The following TMTC1 variants were observed in gnomAD, a reference collection of about 807,000 sequenced individuals.
The protein encoded by TMTC1 is transmembrane O-mannosyltransferase targeting cadherins 1.
TMTC1 carries 73 observed loss-of-function variants against 104.8 expected under a neutral mutation model. The ratio of observed to expected loss-of-function variants is 0.70; its 90% CI spans 0.58 to 0.85. The LOEUF (loss-of-function observed/expected upper bound fraction) is 0.85, where lower values mean the gene tolerates loss of function less well. Among genes scored for constraint, TMTC1 ranks in the 40% least tolerant of loss-of-function variants. The pLI is 0.00. For synonymous variants in TMTC1, 434 were observed against 428.7 expected (o/e 1.01, Z -0.15); for missense variants, 1,035 against 1,096.1 (o/e 0.94, Z 0.79).
chr12:29,564,369 A>G (rs1945453472), intron 9 of TMTC1, among the ~76,000 whole-genome samples: 1 of 152,166 alleles, frequency 6.6e-6, no homozygotes, highest in Non-Finnish European at 1.5e-5. Context: ...TGAGAAGAGA[A>G]CAAGATGTAG....
chr12:29,695,812 TA>T (rs1400884261), intron 5 of TMTC1, among the ~76,000 whole-genome samples: 1 of 110,668 alleles, frequency 9.0e-6, no homozygotes, highest in Admixed American at 8.1e-5. Flanking sequence ...TATATATATA[TA>T]TATATATATA....
intron 6 of TMTC1, among the ~76,000 whole-genome samples, chr12:29,604,603 GT>G (rs1946650221): frequency 6.6e-6 from 1 of 152,102 alleles, no homozygotes; most frequent in Non-Finnish European, 1.5e-5. Context: ...CTGCTTCTTG[GT>G]TCTGGCTCCG....
chr12:29,525,158 CTTTTTTTTTTTTTTTTTTTTTTTTTTTT>C (rs56395403), intron 11 of TMTC1, among the ~76,000 whole-genome samples: 3 of 46,132 alleles, frequency 6.5e-5, no homozygotes, highest in African/African-American at 8.0e-5. Flanking sequence ...CAAGGGCAGT[CTTTTTTTTTTTTTTTTTTTTTTTTTTTT>C]TTTTTTTTTT....
At chr12:29,694,386 A>C (rs1247688289) in intron 5 of TMTC1, among the ~76,000 whole-genome samples, 1 of 151,814 alleles carries the variant, frequency 6.6e-6, no homozygotes, top group Non-Finnish European at 1.5e-5. Context: ...CCTGATATAA[A>C]ATGGGGCAGT....
In TMTC1 at chr12:29,506,189, T is replaced by C. The variant is rs542532267; in HGVS notation, c.*657A>G. 6.6e-6 allele frequency: 1 copy of C among 152,230 alleles called. No individual in the cohort carries two copies. The highest frequency in any genetic ancestry group is 1.9e-4 in the East Asian group (1 of 5,178). The allele number at this position is 152,230 out of a possible 1,614,324, so 9.4% of individuals were successfully genotyped here. ...ATTAGGGGTGCCCAGCTCCTTGATT[T>C]CCCCCTAGGGATAAAGATATCCATG... On this transcript the variant is annotated 3_prime_UTR_variant, in exon 18 of 18. Transcript: ENST00000539277.
chr12:29,780,225 C>A (rs1028164183), intron 1 of TMTC1, among the ~76,000 whole-genome samples: 15 of 152,160 alleles, frequency 9.9e-5, no homozygotes, highest in African/African-American at 3.4e-4. Context: ...TTTATCCCAG[C>A]CAAAAGTTGG....
chr12:29,628,924 AG>A (rs1476576535), intron 6 of TMTC1, among the ~76,000 whole-genome samples: 1 of 152,074 alleles, frequency 6.6e-6, no homozygotes, highest in Non-Finnish European at 1.5e-5. Flanking sequence ...GGCCTCCCAA[AG>A]TGCTGGGGTT....
At chr12:29,683,509 G>A (rs1386406954) in intron 5 of TMTC1, among the ~76,000 whole-genome samples, 2 of 152,152 alleles carry the variant, frequency 1.3e-5, no homozygotes, top group Non-Finnish European at 2.9e-5. Flanking sequence ...AAGCCTCAAC[G>A]CAAAATATGC....
chr12:29,555,098 C>T (rs1348191989), intron 10 of TMTC1, among the ~76,000 whole-genome samples: 2 of 146,674 alleles, frequency 1.4e-5, no homozygotes, highest in Non-Finnish European at 3.0e-5. Context: ...CACTGCTTCA[C>T]AATCTATAAA....
chr12:29,540,127 A>T (rs1377830851), intron 10 of TMTC1, among the ~76,000 whole-genome samples: 1 of 151,894 alleles, frequency 6.6e-6, no homozygotes, highest in Non-Finnish European at 1.5e-5. Flanking sequence ...TGACATCTAT[A>T]TTTTTCTTCT....
In TMTC1 at chr12:29,688,032, A is replaced by G. The variant is rs149232095; in HGVS notation, c.939-54696T>C. Among the ~76,000 whole-genome samples the G allele has an allele frequency of 8.0e-3, 1,218 of 152,260 alleles. 9 individuals carry two copies. The highest frequency in any genetic ancestry group is 0.014 in the Non-Finnish European group (943 of 68,030). On this transcript the variant is annotated intron_variant, in intron 5 of 17. Coordinates refer to ENST00000539277, the MANE Select transcript of TMTC1 (RefSeq NM_001193451.2). ...TCAGTCTATAAAGACTTGATTTAAG[A>G]AAACATACACTGAAACATTTAGGAG...
At chr12:29,769,299 C>T (rs1592034602) in intron 1 of TMTC1, among the ~76,000 whole-genome samples, 1 of 152,120 alleles carries the variant, frequency 6.6e-6, no homozygotes. Flanking sequence ...CTTAACTAAG[C>T]CTAGAAAACT....
chr12:29,594,187 C>A (rs909969893), intron 7 of TMTC1, among the ~76,000 whole-genome samples: 1 of 152,202 alleles, frequency 6.6e-6, no homozygotes, highest in African/African-American at 2.4e-5. Flanking sequence ...CTAAAACTGC[C>A]TCCAAAAAAT....
At chr12:29,578,630 C>G (rs958350812) in intron 8 of TMTC1, among the ~76,000 whole-genome samples, 1 of 152,184 alleles carries the variant, frequency 6.6e-6, no homozygotes, top group African/African-American at 2.4e-5. Flanking sequence ...GTATCTCCCT[C>G]ACACCTTTTA....
At chr12:29,655,520 C>T (rs1211318662) in intron 5 of TMTC1, among the ~76,000 whole-genome samples, 1 of 152,092 alleles carries the variant, frequency 6.6e-6, no homozygotes, top group African/African-American at 2.4e-5. Flanking sequence ...AAATAATAAG[C>T]CTACCAATGT....
At chr12:29,516,531 T>C (rs1943992357) in intron 14 of TMTC1, 45 bp from the exon 15 acceptor site, 1 of 1,562,284 alleles carries the variant, frequency 6.4e-7, no homozygotes, top group South Asian at 1.2e-5. Context: ...CTTCATTACC[T>C]TATCAAATAA....
In TMTC1 at chr12:29,668,454, C is replaced by CTTTTTTTTTTTTTTTTT. The variant is rs66652706; in HGVS notation, c.939-35135_939-35119dup. Among the ~76,000 whole-genome samples the CTTTTTTTTTTTTTTTTT allele has an allele frequency of 2.0e-4, 18 of 90,092 alleles. 1 individual carries two copies. The highest frequency in any genetic ancestry group is 3.8e-4 in the East Asian group (1 of 2,626). 59.1% of individuals were successfully genotyped at this position (90,092 alleles called of 152,430 possible). On this transcript the variant is annotated intron_variant, in intron 5 of 17. Transcript: ENST00000539277. The stretch of plus-strand genomic sequence containing the variant: ...CCACATTCAAACCATACCAACTTAT[C>CTTTTTTTTTTTTTTTTT]TTTTTTTTTTTTTTTTTTTTTTTTG...
At chr12:29,538,721 A>G (rs1944713023) in intron 10 of TMTC1, among the ~76,000 whole-genome samples, 1 of 152,228 alleles carries the variant, frequency 6.6e-6, no homozygotes, top group South Asian at 2.1e-4. Flanking sequence ...TGGAAAGATT[A>G]TCATCAAAAT....
Position 29,783,748 on chromosome 12 carries a change from C to T in TMTC1, c.4G>A (p.Val2Met). Residue 2 changes from valine to methionine, a missense_variant, in exon 1 of 18, where the codon GTG becomes ATG. Physicochemically the swap from Val to Met is conservative, Grantham distance 21. Coordinates refer to ENST00000539277, the MANE Select transcript of TMTC1 (RefSeq NM_001193451.2). This position sits in a 1 kb window ranked among gnomAD's most constrained non-coding sequence, Gnocchi z 4.7. ...CCGCCTCGGGCAGAGGTGGTCACCACCATCGCGCCGCCGCCGCCGCTGCTG... is the reference window on the plus strand; with the variant it reads ...CCGCCTCGGGCAGAGGTGGTCACCATCATCGCGCCGCCGCCGCCGCTGCTG... M[V>M]VTTSARGGGG... 8.5e-7 allele frequency: 1 copy of T among 1,170,028 alleles called. No homozygotes were observed. The highest frequency in any genetic ancestry group is 1.1e-6 in the Non-Finnish European group (1 of 951,180). 72.5% of individuals were successfully genotyped at this position (1,170,028 alleles called of 1,614,324 possible).
Sources: gnomAD v4.1 joint callset for allele counts (sites outside exome capture counted in the v4.1 genomes callset) on GRCh38, gnomAD v4.1.1 for gene constraint, Gnocchi (gnomAD v3.1) non-coding constraint, MANE v1.5 for transcripts, NCBI Gene and HGNC (gene_info 2026-07-23, HGNC 2026-07-21) for gene names.